Variants in RPAP2 observed in about 807,000 individuals in gnomAD.
The protein encoded by RPAP2 is putative RNA polymerase II subunit B1 CTD phosphatase RPAP2.
A neutral mutation model predicts 73.1 loss-of-function variants in RPAP2; 52 were observed. That is an observed-to-expected ratio of 0.71 (90% CI 0.57 to 0.90). The LOEUF is 0.90. Among genes scored for constraint, RPAP2 ranks in the 40% least tolerant of loss-of-function variants. The pLI is 0.00. For missense variants in RPAP2, 598 were observed against 701.8 expected (o/e 0.85, Z 1.67); for synonymous variants, 225 against 242.1 (o/e 0.93, Z 0.65).
At position 92,402,030 on chromosome 1, in the gene RPAP2, T is replaced by C. The variant is rs1402736491; in HGVS notation, c.*15019T>C. On this transcript the variant is annotated 3_prime_UTR_variant, in exon 13 of 13. Transcript: ENST00000610020. ...TCTGGTTTTGAAATCAAAGTAATAC[T>C]GGCCTAATAAAATGAGTTGGAATGT... The C allele has an allele frequency of 1.3e-4, 20 of 152,210 alleles. No homozygotes were observed. Among genetic ancestry groups the C allele is most frequent in the Admixed American group, 1.3e-3 (20 of 15,284 alleles). 9.4% of individuals were successfully genotyped at this position (152,210 alleles called of 1,614,324 possible). A position where few individuals can be genotyped will look rare whatever the true frequency, so the allele number is the denominator to read the frequency against.
intron 11 of RPAP2, among the ~76,000 whole-genome samples, chr1:92,360,138 G>A (rs928552464): frequency 6.6e-6 from 1 of 152,184 alleles, no homozygotes; most frequent in Non-Finnish European, 1.5e-5. Flanking sequence ...GTGTGCCTCA[G>A]ACAGGTATGT....
Position 92,399,142 on chromosome 1 carries a change from A to G in RPAP2, c.*12131A>G, listed in dbSNP as rs1656255694. On this transcript the variant is annotated 3_prime_UTR_variant, in exon 13 of 13. Transcript: ENST00000610020. ...CCTCACCTCTGGGGCCTATGAAGAA[A>G]AGCCTGCTTCAAGGTGATAGTTTTC... The G allele has an allele frequency of 6.6e-6, 1 of 152,256 alleles. No homozygotes were observed. The highest frequency in any genetic ancestry group is 6.5e-5 in the Admixed American group (1 of 15,280). 9.4% of individuals were successfully genotyped at this position (152,256 alleles called of 1,614,324 possible). A position where few individuals can be genotyped will look rare whatever the true frequency, so the allele number is the denominator to read the frequency against.
At chr1:92,337,930 A>G (rs969087837) in intron 10 of RPAP2, among the ~76,000 whole-genome samples, 5 of 152,154 alleles carry the variant, frequency 3.3e-5, no homozygotes, top group African/African-American at 1.2e-4. Flanking sequence ...TCTGTTTTAG[A>G]TTATTTAAAT....
At chr1:92,307,371 T>TA in intron 6 of RPAP2, 95 bp downstream of exon 6, 2 of 782,734 alleles carry the variant, frequency 2.6e-6, no homozygotes, top group Non-Finnish European at 4.0e-6. Context: ...TAGTTTTCTG[T>TA]AAAAAGTTAC....
At chr1:92,338,310 A>G (rs1237684784) in intron 10 of RPAP2, among the ~76,000 whole-genome samples, 1 of 152,242 alleles carries the variant, frequency 6.6e-6, no homozygotes, top group Non-Finnish European at 1.5e-5. Flanking sequence ...AGGGATGTCA[A>G]TCCTCAGATT....
intron 5 of RPAP2, 39 bp from the exon 6 acceptor site, chr1:92,307,149 A>C: frequency 2.1e-6 from 3 of 1,403,402 alleles, no homozygotes; most frequent in Non-Finnish European, 3.0e-6. Flanking sequence ...GTAATGTTTC[A>C]TGATAAGAAA....
At position 92,304,007 on chromosome 1, in the gene RPAP2, G is replaced by A. The variant is rs1651037250; in HGVS notation, c.265G>A (p.Asp89Asn). ...GTTCATTACACCTGCTCACTACAGT[G>A]ATGTCGTGGATGAACGTTCTATTGT... ...GRFITPAHYS[D>N]VVDERSIVKL... The change falls in exon 4 of 13, where the codon GAT becomes AAT. Residue 89 changes from aspartate to asparagine, a missense_variant. By Grantham distance (23) the Asp-to-Asn change is conservative. Coordinates refer to ENST00000610020, the MANE Select transcript of RPAP2 (RefSeq NM_024813.3). The A allele has an allele frequency of 6.2e-7, 1 of 1,612,810 alleles. No homozygotes were observed. The highest frequency in any genetic ancestry group is 1.3e-5 in the African/African-American group (1 of 74,994).
At chr1:92,326,419 T>C (rs963737102) in intron 8 of RPAP2, among the ~76,000 whole-genome samples, 26 of 152,328 alleles carry the variant, frequency 1.7e-4, no homozygotes, top group Non-Finnish European at 1.0e-4. Flanking sequence ...TTTAATGTAC[T>C]ATTTTTGTGC....
At chr1:92,335,614 A>AT (rs1249040346) in intron 9 of RPAP2, among the ~76,000 whole-genome samples, 2 of 152,182 alleles carry the variant, frequency 1.3e-5, no homozygotes, top group Non-Finnish European at 2.9e-5. Flanking sequence ...ATGAAGTACA[A>AT]TGGTATTATA....
intron 6 of RPAP2, among the ~76,000 whole-genome samples, chr1:92,317,301 A>T (rs1008226162): frequency 1.5e-4 from 23 of 152,008 alleles, no homozygotes; most frequent in African/African-American, 5.3e-4. Flanking sequence ...GAGGTCAGGA[A>T]TTCGAGACCA....
At chr1:92,302,330 GA>G (rs777891331) in intron 3 of RPAP2, among the ~76,000 whole-genome samples, 7,857 of 132,022 alleles carry the variant, frequency 0.06, 491 homozygotes, top group African/African-American at 0.17. Context: ...GGATGGGGGA[GA>G]AAAAAAAAAA....
rs145846041 is a variant in RPAP2 at position 92,329,631 on chromosome 1, T to C, written c.1456-3760T>C. ...TGATGGGAGTCTCCACATGCCGCTCTGTCTGACCAAGTGGGAACTGCAAGT... is the reference window on the plus strand; with the variant it reads ...TGATGGGAGTCTCCACATGCCGCTCCGTCTGACCAAGTGGGAACTGCAAGT... On this transcript the variant is annotated intron_variant, in intron 8 of 12. Coordinates refer to ENST00000610020, the MANE Select transcript of RPAP2 (RefSeq NM_024813.3). Among the ~76,000 whole-genome samples the C allele has an allele frequency of 2.7e-3, 410 of 152,350 alleles. 1 individual carries two copies. Among genetic ancestry groups the C allele is most frequent in the African/African-American group, 9.6e-3 (399 of 41,576 alleles).
rs751842785 is a variant in RPAP2 at position 92,304,307 on chromosome 1, T to G, written c.357T>G (p.Ile119Met). The G allele has an allele frequency of 1.1e-5, 16 of 1,508,936 alleles. No homozygotes were observed. Among genetic ancestry groups the G allele is most frequent in the Non-Finnish European group, 1.5e-5 (16 of 1,094,584 alleles). The allele number at this position is 1,508,936 out of a possible 1,614,324, so 93.5% of individuals were successfully genotyped here. A position where few individuals can be genotyped will look rare whatever the true frequency, so the allele number is the denominator to read the frequency against. ...LGIVPKQKYK[I>M]STKTNKVYDI... ...AGGTACCAAAACAGAAATATAAAAT[T>G]TCTACCAAAACCAATAAAGTCTATG... Residue 119 changes from isoleucine to methionine, a missense_variant, in exon 5 of 13, where the codon ATT (isoleucine) becomes ATG (methionine). Coordinates refer to ENST00000610020, the MANE Select transcript of RPAP2 (RefSeq NM_024813.3).
Position 92,304,948 on chromosome 1 carries a change from G to C in RPAP2, c.399+599G>C, listed in dbSNP as rs1217516563. ...CTCAAGGAGTTGGAGGCCAGCCTGG[G>C]CAACGGCAAAACCCTGTCTCTACAA... is the stretch of plus-strand genomic sequence containing the variant. On this transcript the variant is annotated intron_variant, in intron 5 of 12. Transcript: ENST00000610020. Among the ~76,000 whole-genome samples, 3 of 151,760 alleles carry C rather than the reference G, an allele frequency of 2.0e-5. No individual in the cohort carries two copies. The East Asian group carries it at 5.8e-4, about 29-fold the overall frequency.
chr1:92,318,550 C>G (rs1393936199), intron 6 of RPAP2, among the ~76,000 whole-genome samples: 1 of 152,152 alleles, frequency 6.6e-6, no homozygotes, highest in Non-Finnish European at 1.5e-5. Context: ...GAATCGACCA[C>G]CAACCATAGT....
chr1:92,341,715 G>A (rs1653604937), intron 10 of RPAP2, among the ~76,000 whole-genome samples: 1 of 152,156 alleles, frequency 6.6e-6, no homozygotes, highest in Admixed American at 6.5e-5. Flanking sequence ...CATAATCTTG[G>A]CTCACTGCAA....
chr1:92,361,713 CAA>C (rs1298524168), intron 11 of RPAP2, among the ~76,000 whole-genome samples: 1 of 152,026 alleles, frequency 6.6e-6, no homozygotes, highest in African/African-American at 2.4e-5. Flanking sequence ...TAACAAAAAA[CAA>C]AGTTAGATGT....
intron 12 of RPAP2, 26 bp from the exon 13 acceptor site, chr1:92,386,985 T>C: frequency 2.5e-6 from 4 of 1,585,760 alleles, no homozygotes; most frequent in South Asian, 1.1e-5. Flanking sequence ...CATGTTTTAC[T>C]CAAAGTATCC....
At chr1:92,337,432 C>A (rs986104702) in intron 10 of RPAP2, among the ~76,000 whole-genome samples, 2 of 151,994 alleles carry the variant, frequency 1.3e-5, no homozygotes, top group African/African-American at 4.8e-5. Flanking sequence ...TTCAGTAAGT[C>A]TTTTACTAGA....
Sources: gnomAD v4.1 joint callset for allele counts (sites outside exome capture counted in the v4.1 genomes callset) on GRCh38, gnomAD v4.1.1 for gene constraint, MANE v1.5 for transcripts, NCBI Gene and HGNC (gene_info 2026-07-23, HGNC 2026-07-21) for gene names.